The following GRIK4 variants were observed in gnomAD, a reference collection of about 807,000 sequenced individuals.
GRIK4 encodes the protein glutamate receptor ionotropic, kainate 4.
GRIK4 carries 40 observed loss-of-function variants against 104.9 expected under a neutral mutation model. The ratio of observed to expected loss-of-function variants is 0.38; its 90% CI spans 0.30 to 0.50. The LOEUF is 0.50. GRIK4 is among the 20% of genes least tolerant of loss of function. The pLI, the probability that GRIK4 is intolerant of heterozygous loss-of-function variation, is 0.93. For missense variants in GRIK4, 1,047 were observed against 1,308.1 expected, an observed-to-expected ratio of 0.80 and a Z score of 3.08; for synonymous variants, 485 against 524.9, an observed-to-expected ratio of 0.92 and a Z score of 1.04.
Position 120,905,251 on chromosome 11 carries a change from G to A in GRIK4, c.1273-39G>A, listed in dbSNP as rs773963702. 2.0e-5 allele frequency: 29 copies of A among 1,464,344 alleles called. No homozygotes were observed. The highest frequency in any genetic ancestry group is 2.0e-5 in the Non-Finnish European group (21 of 1,044,738). 90.7% of individuals were successfully genotyped at this position (1,464,344 alleles called of 1,614,324 possible). A position where few individuals can be genotyped will look rare whatever the true frequency, so the allele number is the denominator to read the frequency against. ...CCATCACACGCGGGTGAGACACCAGGGCTAAGATGAGAATGACAGCTGCCC... is the reference window on the plus strand; with the variant it reads ...CCATCACACGCGGGTGAGACACCAGAGCTAAGATGAGAATGACAGCTGCCC... On this transcript the variant is annotated intron_variant, in intron 12 of 20. Transcript: ENST00000527524. This position sits in a 1 kb window ranked among gnomAD's most constrained non-coding sequence, Gnocchi z 5.1.
intron 13 of GRIK4, among the ~76,000 whole-genome samples, chr11:120,928,930 C>G (rs1250336981): frequency 2.0e-5 from 3 of 151,874 alleles, no homozygotes; most frequent in Non-Finnish European, 4.4e-5. Context: ...ATGATTTCTA[C>G]AAACATGGGC....
At chr11:120,853,674 G>GC (rs1954030062) in intron 8 of GRIK4, among the ~76,000 whole-genome samples, 1 of 152,214 alleles carries the variant, frequency 6.6e-6, no homozygotes, top group Non-Finnish European at 1.5e-5. Context: ...AGGGAGGGAA[G>GC]CAGATCCAAG....
chr11:120,862,685 C>T (rs548360984), intron 9 of GRIK4, among the ~76,000 whole-genome samples: 3 of 152,174 alleles, frequency 2.0e-5, no homozygotes, highest in Non-Finnish European at 2.9e-5. Flanking sequence ...TGCTTCCTCT[C>T]TGCAGTTCTG....
intron 3 of GRIK4, among the ~76,000 whole-genome samples, chr11:120,724,113 C>T (rs1950984864): frequency 6.6e-6 from 1 of 152,090 alleles, no homozygotes; most frequent in Admixed American, 6.5e-5. Flanking sequence ...TACAATCATC[C>T]ATGTTGTTGC....
At chr11:120,695,017 C>G (rs965925437) in intron 3 of GRIK4, among the ~76,000 whole-genome samples, 6 of 152,124 alleles carry the variant, frequency 3.9e-5, no homozygotes, top group Non-Finnish European at 8.8e-5. Context: ...AAAAGAATCC[C>G]GAGCCTCAGC....
chr11:120,707,861 T>C (rs1950657220), intron 3 of GRIK4, among the ~76,000 whole-genome samples: 1 of 152,184 alleles, frequency 6.6e-6, no homozygotes, highest in Non-Finnish European at 1.5e-5. Flanking sequence ...CTCTGCACGC[T>C]ACTTGAGCTT....
At chr11:120,545,737 C>T (rs1185960043) in intron 1 of GRIK4, among the ~76,000 whole-genome samples, 1 of 152,132 alleles carries the variant, frequency 6.6e-6, no homozygotes, top group Non-Finnish European at 1.5e-5. Context: ...TTTCACCTGC[C>T]CTGGAATCCA....
At chr11:120,644,011 CTGTGTGTGTGTGTG>C (rs369374873) in intron 1 of GRIK4, among the ~76,000 whole-genome samples, 1 of 122,858 alleles carries the variant, frequency 8.1e-6, no homozygotes, top group Non-Finnish European at 1.6e-5. Flanking sequence ...GGGAGAGGGT[CTGTGTGTGTGTGTG>C]TGTGTGTGTG....
At chr11:120,538,166 C>T (rs1052356610) in intron 1 of GRIK4, among the ~76,000 whole-genome samples, 31 of 152,242 alleles carry the variant, frequency 2.0e-4, no homozygotes, top group Non-Finnish European at 1.3e-4. Flanking sequence ...GAGCGGCACG[C>T]ATCCCATCCC....
intron 3 of GRIK4, among the ~76,000 whole-genome samples, chr11:120,728,227 A>G (rs746665929): frequency 1.3e-5 from 2 of 152,300 alleles, no homozygotes; most frequent in East Asian, 3.8e-4. Context: ...TGACTTTTCT[A>G]CAGTCATATG....
chr11:120,680,185 C>T (rs1950166529), intron 3 of GRIK4, among the ~76,000 whole-genome samples: 1 of 152,194 alleles, frequency 6.6e-6, no homozygotes, highest in Non-Finnish European at 1.5e-5. Context: ...TCAAGTGATT[C>T]TCCTGCCTCA....
chr11:120,756,373 G>A (rs1392878474), intron 3 of GRIK4, among the ~76,000 whole-genome samples: 3 of 152,184 alleles, frequency 2.0e-5, no homozygotes, highest in Admixed American at 1.3e-4. Flanking sequence ...TAAGGCCTCT[G>A]TGGTGTTCTG....
intron 3 of GRIK4, among the ~76,000 whole-genome samples, chr11:120,785,205 A>C (rs1245172136): frequency 6.6e-6 from 1 of 152,162 alleles, no homozygotes; most frequent in Admixed American, 6.5e-5. Context: ...GCAGTGAGCC[A>C]TGAGACTGGA....
chr11:120,865,039 T>C (rs938758908), intron 9 of GRIK4, among the ~76,000 whole-genome samples: 6 of 152,178 alleles, frequency 3.9e-5, no homozygotes, highest in African/African-American at 4.8e-5. Flanking sequence ...ACGATTCTAT[T>C]TCCAATTCAC....
chr11:120,553,472 A>C (rs1948158500), intron 1 of GRIK4, among the ~76,000 whole-genome samples: 1 of 152,226 alleles, frequency 6.6e-6, no homozygotes, highest in Admixed American at 6.5e-5. Flanking sequence ...GCTAGAGTGA[A>C]GAAGGAAAGG....
chr11:120,545,419 C>A (rs1948076271), intron 1 of GRIK4, among the ~76,000 whole-genome samples: 1 of 152,114 alleles, frequency 6.6e-6, no homozygotes, highest in Non-Finnish European at 1.5e-5. Flanking sequence ...TGGAAATTGC[C>A]AACAATCCTA....
chr11:120,969,690 G>A (rs1275372475), intron 19 of GRIK4, among the ~76,000 whole-genome samples: 1 of 152,164 alleles, frequency 6.6e-6, no homozygotes, highest in Non-Finnish European at 1.5e-5. Flanking sequence ...AGGATGGCAG[G>A]AAAGAGCGCC....
At chr11:120,690,043 C>T (rs1950334194) in intron 3 of GRIK4, among the ~76,000 whole-genome samples, 1 of 152,070 alleles carries the variant, frequency 6.6e-6, no homozygotes, top group Non-Finnish European at 1.5e-5. Context: ...AGGCAAAAAG[C>T]AACATAAATT....
chr11:120,729,180 G>C (rs1217710153), intron 3 of GRIK4, among the ~76,000 whole-genome samples: 1 of 152,156 alleles, frequency 6.6e-6, no homozygotes, highest in African/African-American at 2.4e-5. Flanking sequence ...CACTTAAGTT[G>C]CTTCCAAATC....
Sources: allele counts gnomAD v4.1 joint callset (sites outside exome capture counted in the v4.1 genomes callset), GRCh38; gene constraint gnomAD v4.1.1; non-coding constraint Gnocchi (gnomAD v3.1); transcripts MANE v1.5; gene names NCBI Gene and HGNC (gene_info 2026-07-23, HGNC 2026-07-21).